CWC27: variants seen among roughly 807,000 people sequenced by gnomAD.
CWC27 encodes the protein spliceosome-associated protein CWC27 homolog.
Under a neutral mutation model 63.6 loss-of-function variants are expected in CWC27, and 47 were observed. The ratio of observed to expected loss-of-function variants is 0.74; its 90% CI spans 0.58 to 0.94. The LOEUF (loss-of-function observed/expected upper bound fraction) is 0.94. CWC27 is among the 40% of genes least tolerant of loss of function. The pLI, the probability that CWC27 is intolerant of heterozygous loss-of-function variation, is 0.00. For missense variants in CWC27, 495 were observed against 554.3 expected (o/e 0.89, Z 1.07); for synonymous variants, 175 against 179.8 (o/e 0.97, Z 0.22).
intron 10 of CWC27, among the ~76,000 whole-genome samples, chr5:64,867,108 T>G (rs1469853191): frequency 6.6e-6 from 1 of 152,050 alleles, no homozygotes; most frequent in Non-Finnish European, 1.5e-5. Context: ...GAATCAAGAT[T>G]TGTTCAAACT....
At chr5:64,971,048 A>T (rs938717550) in intron 11 of CWC27, among the ~76,000 whole-genome samples, 6 of 151,680 alleles carry the variant, frequency 4.0e-5, no homozygotes, top group Non-Finnish European at 8.8e-5. Flanking sequence ...GTATTATAAA[A>T]TGTTACTAGT....
chr5:64,959,960 A>T (rs993343101), intron 11 of CWC27, among the ~76,000 whole-genome samples: 7 of 152,200 alleles, frequency 4.6e-5, no homozygotes, highest in Non-Finnish European at 1.0e-4. Flanking sequence ...AAGTGTTTTG[A>T]AGGTTCAAAT....
chr5:64,932,097 G>A (rs1748248121), intron 11 of CWC27, among the ~76,000 whole-genome samples: 1 of 152,150 alleles, frequency 6.6e-6, no homozygotes, highest in African/African-American at 2.4e-5. Flanking sequence ...TGATTTATAT[G>A]TATTAATTTA....
At chr5:64,913,214 A>G (rs1384007920) in intron 11 of CWC27, among the ~76,000 whole-genome samples, 1 of 152,152 alleles carries the variant, frequency 6.6e-6, no homozygotes, top group African/African-American at 2.4e-5. Flanking sequence ...CATGATTTTA[A>G]TAAAATGTTC....
intron 12 of CWC27, among the ~76,000 whole-genome samples, chr5:64,975,319 C>A (rs1053672118): frequency 6.6e-6 from 1 of 152,126 alleles, no homozygotes; most frequent in Non-Finnish European, 1.5e-5. Flanking sequence ...AATTCTGGAG[C>A]TTAGGAATGT....
At chr5:64,808,955 G>C (rs1056748497) in intron 10 of CWC27, among the ~76,000 whole-genome samples, 2 of 152,002 alleles carry the variant, frequency 1.3e-5, no homozygotes, top group African/African-American at 4.8e-5. Context: ...CAAACAATGT[G>C]TCTATTAACT....
intron 11 of CWC27, among the ~76,000 whole-genome samples, chr5:64,916,141 A>G (rs1747883763): frequency 1.3e-5 from 2 of 152,240 alleles, no homozygotes; most frequent in African/African-American, 4.8e-5. Flanking sequence ...TTCCCGTTCA[A>G]CAATGAAATT....
At chr5:64,914,904 T>C (rs1012127297) in intron 11 of CWC27, among the ~76,000 whole-genome samples, 1 of 152,142 alleles carries the variant, frequency 6.6e-6, no homozygotes, top group Admixed American at 6.6e-5. Context: ...TGGGATACTA[T>C]ATACAAGTGA....
intron 10 of CWC27, among the ~76,000 whole-genome samples, chr5:64,869,177 C>T (rs1409774493): frequency 6.6e-6 from 1 of 151,974 alleles, no homozygotes; most frequent in Admixed American, 6.6e-5. Flanking sequence ...CCATGTATCT[C>T]ATTTTGGTTT....
rs1405639737 is a variant in CWC27 at position 64,960,561 on chromosome 5, TG to T, written c.1043-11141del. Among the ~76,000 whole-genome samples the T allele has an allele frequency of 2.0e-5, 3 of 152,144 alleles. No individual in the cohort carries two copies. In the East Asian group the frequency reaches 5.8e-4, roughly 29 times the overall value. ...ATTAAAAAAAAATACAAATTGACTTTGTATTTTCCAGAAAGTATGAGGTACA... is the reference window on the plus strand; with the variant it reads ...ATTAAAAAAAAATACAAATTGACTTTTATTTTCCAGAAAGTATGAGGTACA... On this transcript the variant is annotated intron_variant, in intron 11 of 13. Transcript: ENST00000381070.
intron 10 of CWC27, among the ~76,000 whole-genome samples, chr5:64,830,442 G>T (rs1745488568): frequency 6.6e-6 from 1 of 152,048 alleles, no homozygotes; most frequent in East Asian, 1.9e-4. Flanking sequence ...ATGGATTAAA[G>T]ACTTAAATGT....
chr5:64,843,944 AC>A (rs1361546114), intron 10 of CWC27, among the ~76,000 whole-genome samples: 2 of 151,784 alleles, frequency 1.3e-5, no homozygotes, highest in Non-Finnish European at 2.9e-5. Context: ...CGCAGCCCCG[AC>A]CCACAAAGTT....
intron 10 of CWC27, among the ~76,000 whole-genome samples, chr5:64,864,735 T>C (rs1338663317): frequency 6.6e-6 from 1 of 152,142 alleles, no homozygotes; most frequent in Non-Finnish European, 1.5e-5. Flanking sequence ...ATGCATTTCG[T>C]CACTAAGAAA....
chr5:64,908,434 T>C (rs1338215123), intron 11 of CWC27, among the ~76,000 whole-genome samples: 1 of 152,216 alleles, frequency 6.6e-6, no homozygotes, highest in Non-Finnish European at 1.5e-5. Flanking sequence ...AAGTCCTGGA[T>C]AGCATTGTTA....
chr5:64,892,937 G>A (rs1269902341), intron 11 of CWC27, among the ~76,000 whole-genome samples: 1 of 152,088 alleles, frequency 6.6e-6, no homozygotes, highest in Non-Finnish European at 1.5e-5. Context: ...TTTCTCAGCT[G>A]GCCACTAAAA....
At position 64,945,511 on chromosome 5, in the gene CWC27, A is replaced by G. The variant is rs115348700; in HGVS notation, c.1043-26192A>G. On this transcript the variant is annotated intron_variant, in intron 11 of 13. Transcript: ENST00000381070. The stretch of plus-strand genomic sequence containing the variant: ...TAACAAAAAAGAAGATAGAAGAATT[A>G]TTACTTGGGCAGTCTACTGTGTCTA... 5.7e-3 allele frequency among the ~76,000 whole-genome samples: 868 copies of G among 152,302 alleles called. 9 individuals are homozygous for G. Among genetic ancestry groups the G allele is most frequent in the African/African-American group, 0.02 (839 of 41,572 alleles).
chr5:64,885,409 A>G, intron 10 of CWC27, 34 bp from the exon 11 acceptor site: 1 of 1,438,308 alleles, frequency 7.0e-7, no homozygotes. Flanking sequence ...CTCTCAATAT[A>G]TTATATACTT....
chr5:64,970,029 G>A (rs1040343591), intron 11 of CWC27, among the ~76,000 whole-genome samples: 1 of 152,082 alleles, frequency 6.6e-6, no homozygotes, highest in Non-Finnish European at 1.5e-5. Flanking sequence ...AGGTGGATAC[G>A]GCAAAGGAGT....
chr5:64,926,851 C>G (rs774952974), intron 11 of CWC27, among the ~76,000 whole-genome samples: 12 of 152,158 alleles, frequency 7.9e-5, no homozygotes, highest in Non-Finnish European at 1.5e-4. Flanking sequence ...TTCCTAAAAA[C>G]TGTTCCTAAA....
Sources: allele counts gnomAD v4.1 joint callset (sites outside exome capture counted in the v4.1 genomes callset), GRCh38; gene constraint gnomAD v4.1.1; transcripts MANE v1.5; gene names NCBI Gene and HGNC (gene_info 2026-07-23, HGNC 2026-07-21).